Variants in MYO18B observed in about 807,000 individuals in gnomAD.
The protein encoded by MYO18B is unconventional myosin-XVIIIb.
In MYO18B, 204 loss-of-function variants were observed where a neutral mutation model predicts 273.0. The ratio of observed to expected loss-of-function variants is 0.75; its 90% confidence interval spans 0.67 to 0.84. The LOEUF (loss-of-function observed/expected upper bound fraction) is 0.84. Ranked by LOEUF, MYO18B falls within the 40% of genes least tolerant of loss-of-function variation. MYO18B has a pLI of 0.00. For missense variants in MYO18B, 3,212 were observed against 3,287.6 expected, an observed-to-expected ratio of 0.98 and a Z score of 0.56; for synonymous variants, 1,330 against 1,305.7, an observed-to-expected ratio of 1.02 and a Z score of -0.40.
At chr22:25,854,709 TTCTG>T (rs1231304588) in intron 21 of MYO18B, among the ~76,000 whole-genome samples, 1 of 152,218 alleles carries the variant, frequency 6.6e-6, no homozygotes, top group African/African-American at 2.4e-5. Flanking sequence ...TCATTCCACT[TTCTG>T]TCTCTATAAA....
chr22:25,870,963 C>T (rs1424898733), intron 22 of MYO18B, among the ~76,000 whole-genome samples: 1 of 152,274 alleles, frequency 6.6e-6, no homozygotes, highest in South Asian at 2.1e-4. Flanking sequence ...GAAGTCTGTA[C>T]ACCTAAACAT....
chr22:25,903,851 G>T lies in MYO18B; in HGVS notation c.5148+20G>T. ...GAGCAGGTAGGAAAGCCCTGTCTCA[G>T]GGCAACACCCTGTCCCATGTCTCCA... On this transcript the variant is annotated intron_variant, in intron 31 of 43. Coordinates refer to ENST00000335473, the MANE Select transcript of MYO18B (RefSeq NM_032608.7). 1 of 1,579,722 alleles carries T rather than the reference G, an allele frequency of 6.3e-7. No homozygotes were observed. The highest frequency in any genetic ancestry group is 1.2e-5 in the South Asian group (1 of 86,254).
chr22:25,947,953 A>T, intron 36 of MYO18B, 125 bp downstream of exon 36: 1 of 693,084 alleles, frequency 1.4e-6, no homozygotes, highest in South Asian at 1.7e-5. Context: ...AAGTGCACAG[A>T]GATAGTTAGG....
Position 26,026,868 on chromosome 22 carries a change from G to A in MYO18B, c.6894G>A (p.Glu2298=), listed in dbSNP as rs1248835355. 2 of 1,597,102 alleles carry A rather than the reference G, an allele frequency of 1.3e-6. No individual in the cohort carries two copies. Among genetic ancestry groups the A allele is most frequent in the Non-Finnish European group, 1.7e-6 (2 of 1,171,332 alleles). Reference sequence around the variant, plus strand: ...GGAGGGGCAGGGCTGGCAGTGACGAGGGAAACCTCTCGCTGAGGGTTGGGG... The same window carrying A: ...GGAGGGGCAGGGCTGGCAGTGACGAAGGAAACCTCTCGCTGAGGGTTGGGG... ...TLRRGRAGSD[E]GNLSLRVGAK... Residue 2298 remains glutamate, a synonymous_variant, in exon 43 of 44, where the codon GAG becomes GAA. Transcript: ENST00000335473.
intron 17 of MYO18B, among the ~76,000 whole-genome samples, chr22:25,840,007 C>A (rs573146453): frequency 6.6e-6 from 1 of 152,300 alleles, no homozygotes; most frequent in South Asian, 2.1e-4. Flanking sequence ...CTTTAGATAC[C>A]TTCCCTGCCC....
intron 40 of MYO18B, among the ~76,000 whole-genome samples, chr22:25,998,970 T>C (rs1448446927): frequency 1.3e-5 from 2 of 152,212 alleles, no homozygotes. Flanking sequence ...AACTACTTTG[T>C]CTATTCCAGC....
chr22:25,862,531 C>T (rs1194546650), intron 21 of MYO18B, among the ~76,000 whole-genome samples: 1 of 152,078 alleles, frequency 6.6e-6, no homozygotes, highest in African/African-American at 2.4e-5. Flanking sequence ...TTTTCTCAGC[C>T]TTTGTTTACC....
Position 25,835,402 on chromosome 22 carries a change from G to A in MYO18B, c.3167G>A (p.Arg1056His), listed in dbSNP as rs553630888. 36 of 1,613,976 alleles carry A rather than the reference G, an allele frequency of 2.2e-5. No individual in the cohort carries two copies. Among genetic ancestry groups the A allele is most frequent in the South Asian group, 4.4e-5 (4 of 91,076 alleles). The change falls in exon 17 of 44, where the codon CGT becomes CAT. Residue 1056 changes from arginine to histidine, a missense_variant. Coordinates refer to ENST00000335473, the MANE Select transcript of MYO18B (RefSeq NM_032608.7). ...TCCAGTGACAGTGTGGTGCTCGAGC[G>A]TCTGTGTGCTGCTTTCGAGAAGAAA... ...EGSSDSVVLE[R>H]LCAAFEKKGA...
At chr22:25,790,848 A>G (rs1199680460) in intron 11 of MYO18B, among the ~76,000 whole-genome samples, 1 of 152,056 alleles carries the variant, frequency 6.6e-6, no homozygotes, top group East Asian at 1.9e-4. Flanking sequence ...ATCTCTGAGG[A>G]CCCAGAGAAG....
intron 34 of MYO18B, among the ~76,000 whole-genome samples, chr22:25,939,796 A>C (rs1013698397): frequency 6.6e-6 from 1 of 152,152 alleles, no homozygotes; most frequent in Admixed American, 6.5e-5. Flanking sequence ...TCAGAGTGGG[A>C]ACTTCATGAC....
chr22:25,861,980 C>A (rs1053104395), intron 21 of MYO18B, among the ~76,000 whole-genome samples: 1 of 152,102 alleles, frequency 6.6e-6, no homozygotes, highest in African/African-American at 2.4e-5. Context: ...GAACCAACAA[C>A]TGACTGAAAA....
At chr22:25,823,745 G>A in intron 13 of MYO18B, 67 bp downstream of exon 13, 3 of 1,528,464 alleles carry the variant, frequency 2.0e-6, no homozygotes, top group East Asian at 2.3e-5. Flanking sequence ...GGATACACCA[G>A]CATTCTTTAA....
In MYO18B at chr22:25,828,958, G is replaced by A. The variant is rs371681388; in HGVS notation, c.2969G>A (p.Arg990Gln). 2.3e-5 allele frequency: 37 copies of A among 1,613,900 alleles called. No homozygotes were observed. In the African/African-American group the frequency reaches 3.6e-4, roughly 16 times the overall value. Residue 990 changes from arginine (R) to glutamine (Q), a missense_variant, in exon 15 of 44, where the codon CGA becomes CAA. By Grantham distance (43) the Arg-to-Gln change is conservative (BLOSUM62 1). Coordinates refer to ENST00000335473, the MANE Select transcript of MYO18B (RefSeq NM_032608.7). Reference sequence around the variant, plus strand: ...CGGACCTTTGTCTCCACGCTACAGCGATATCAAGAGGTATGCCTGGGCTGG... The same window carrying A: ...CGGACCTTTGTCTCCACGCTACAGCAATATCAAGAGGTATGCCTGGGCTGG... ...YQRTFVSTLQRYQEEGVPVQF... is the reference protein window; with the variant it reads ...YQRTFVSTLQQYQEEGVPVQF...
chr22:26,057,217 A>T, the MYO18B span, among the ~76,000 whole-genome samples: 3 of 152,214 alleles, frequency 2.0e-5, no homozygotes, highest in East Asian at 5.8e-4. Context: ...ATCATCTAAA[A>T]AAAAAGGATA....
chr22:25,807,159 G>A (rs1241888828), intron 12 of MYO18B, among the ~76,000 whole-genome samples: 3 of 152,180 alleles, frequency 2.0e-5, no homozygotes, highest in Non-Finnish European at 4.4e-5. Context: ...CTCACCTAAA[G>A]TCATAAAATG....
intron 10 of MYO18B, 151 bp from the exon 11 acceptor site, chr22:25,785,277 A>G: frequency 1.6e-6 from 1 of 640,490 alleles, no homozygotes; most frequent in African/African-American, 1.8e-5. Context: ...AAGATATCCC[A>G]GGGCAGAGTT....
chr22:25,851,787 A>G (rs980875980), intron 21 of MYO18B, among the ~76,000 whole-genome samples: 2 of 152,168 alleles, frequency 1.3e-5, no homozygotes, highest in African/African-American at 4.8e-5. Context: ...CTCATGTTCC[A>G]TAAGGGATTG....
intron 19 of MYO18B, among the ~76,000 whole-genome samples, chr22:25,847,005 G>T (rs2090267293): frequency 6.6e-6 from 1 of 151,998 alleles, no homozygotes; most frequent in Non-Finnish European, 1.5e-5. Context: ...GCTTGAACCT[G>T]GGAGGAGGAG....
chr22:25,896,816 C>T (rs1302609395), intron 28 of MYO18B: 9 of 152,112 alleles, frequency 5.9e-5, no homozygotes, highest in Non-Finnish European at 1.0e-4. Context: ...TAAATACTCC[C>T]ACCATGGCCA....
Sources: gnomAD v4.1 joint callset for allele counts (sites outside exome capture counted in the v4.1 genomes callset) on GRCh38, gnomAD v4.1.1 for gene constraint, MANE v1.5 for transcripts, NCBI Gene and HGNC (gene_info 2026-07-23, HGNC 2026-07-21) for gene names.